Variants in PPFIA1 observed in about 807,000 individuals in gnomAD.
PPFIA1 encodes the protein liprin-alpha-1.
Under a neutral mutation model 149.9 loss-of-function variants are expected in PPFIA1, and 25 were observed. That is an observed-to-expected ratio of 0.17 (90% CI 0.12 to 0.23). The LOEUF (loss-of-function observed/expected upper bound fraction) is 0.23, where lower values mean the gene tolerates loss of function less well. Ranked by LOEUF, PPFIA1 falls within the 10% of genes least tolerant of loss-of-function variation. PPFIA1 has a pLI of 1.00. For missense variants in PPFIA1, 1,362 were observed against 1,506.5 expected (o/e 0.90, Z 1.59); for synonymous variants, 549 against 552.8 (o/e 0.99, Z 0.10).
chr11:70,379,018 G>A lies in PPFIA1; in HGVS notation c.3550+823G>A, dbSNP rs117936824. Among the ~76,000 whole-genome samples the A allele has an allele frequency of 3.4e-4, 51 of 152,226 alleles. No individual in the cohort carries two copies. In the East Asian group the frequency reaches 9.4e-3, roughly 28 times the overall value. On this transcript the variant is annotated intron_variant, in intron 26 of 27. Coordinates refer to ENST00000253925, the MANE Select transcript of PPFIA1 (RefSeq NM_003626.5). ...CAAGTCATTTAACTACCCTGGCCTC[G>A]GTCTCCCCATCTGTAAAATGGTCGT... is the stretch of plus-strand genomic sequence containing the variant.
intron 2 of PPFIA1, among the ~76,000 whole-genome samples, chr11:70,280,259 T>C (rs1034563623): frequency 1.3e-5 from 2 of 150,104 alleles, no homozygotes; most frequent in Admixed American, 1.3e-4. Flanking sequence ...TAAATATATA[T>C]GTATATAAAA....
intron 4 of PPFIA1, 63 bp from the exon 5 acceptor site, chr11:70,325,437 A>G (rs2054205617): frequency 1.9e-6 from 2 of 1,068,382 alleles, no homozygotes; most frequent in African/African-American, 1.7e-5. Context: ...ACTTAACTAT[A>G]TATTAAGAAT....
chr11:70,323,805 G>T (rs1481679289), intron 2 of PPFIA1, among the ~76,000 whole-genome samples: 1 of 152,178 alleles, frequency 6.6e-6, no homozygotes, highest in African/African-American at 2.4e-5. Flanking sequence ...GATTCTTGCA[G>T]AAGAAATATT....
At chr11:70,271,542 T>TA (rs2050092681) in intron 1 of PPFIA1, among the ~76,000 whole-genome samples, 1 of 152,148 alleles carries the variant, frequency 6.6e-6, no homozygotes, top group Non-Finnish European at 1.5e-5. Context: ...GTTGTAAACT[T>TA]ACGTAAGTTA....
At chr11:70,339,689 T>C (rs1043702050) in intron 14 of PPFIA1, among the ~76,000 whole-genome samples, 1 of 151,208 alleles carries the variant, frequency 6.6e-6, no homozygotes, top group African/African-American at 2.4e-5. Flanking sequence ...TTAAATACAA[T>C]GATAATCATG....
intron 2 of PPFIA1, among the ~76,000 whole-genome samples, chr11:70,312,654 A>T (rs1207488602): frequency 1.3e-5 from 2 of 152,112 alleles, no homozygotes; most frequent in Non-Finnish European, 2.9e-5. Flanking sequence ...AACATCGTGG[A>T]GCCTGCGTGT....
At position 70,343,786 on chromosome 11, in the gene PPFIA1, A is replaced by C. The variant is rs146858711; in HGVS notation, c.1825A>C (p.Thr609Pro). ...DVSDGEDDRD[T>P]LLSSVDLLSP... Reference sequence around the variant, plus strand: ...GTCTGATGGTGAAGATGACAGGGACACTCTCCTCAGCTCAGTTGACCTGCT... The same window carrying C: ...GTCTGATGGTGAAGATGACAGGGACCCTCTCCTCAGCTCAGTTGACCTGCT... Residue 609 changes from threonine to proline, a missense_variant, in exon 15 of 28, where the codon ACT becomes CCT. Thr to Pro is a conservative substitution (Grantham distance 38, BLOSUM62 -1). Around this residue, in one of 7 missense-constraint regions of PPFIA1, gnomAD observed 733 missense variants for 744.1 expected, o/e 0.99. Coordinates refer to ENST00000253925, the MANE Select transcript of PPFIA1 (RefSeq NM_003626.5). 1 of 1,614,002 alleles carries C rather than the reference A, an allele frequency of 6.2e-7. No homozygotes were observed. Among genetic ancestry groups the C allele is most frequent in the East Asian group, 2.2e-5 (1 of 44,870 alleles).
At chr11:70,366,140 G>T (rs895055423) in intron 21 of PPFIA1, among the ~76,000 whole-genome samples, 12 of 152,200 alleles carry the variant, frequency 7.9e-5, no homozygotes, top group African/African-American at 2.9e-4. Flanking sequence ...TAGCATCAAA[G>T]AGTACGTCTC....
intron 10 of PPFIA1, 23 bp downstream of exon 10, chr11:70,333,576 G>A (rs771522219): frequency 1.3e-6 from 2 of 1,591,494 alleles, no homozygotes; most frequent in Non-Finnish European, 1.7e-6. Flanking sequence ...CCCTGAGGGT[G>A]GGGGCGCTGA....
At chr11:70,377,794 T>A (rs1386272213) in intron 25 of PPFIA1, among the ~76,000 whole-genome samples, 1 of 152,220 alleles carries the variant, frequency 6.6e-6, no homozygotes, top group Non-Finnish European at 1.5e-5. Context: ...CACATCCTCA[T>A]GGCCCAGCAC....
At chr11:70,326,104 T>A (rs185978658) in intron 5 of PPFIA1, among the ~76,000 whole-genome samples, 158 bp from the exon 6 acceptor site, 4 of 152,288 alleles carry the variant, frequency 2.6e-5, no homozygotes, top group Admixed American at 2.6e-4. Context: ...TCTTCAATGA[T>A]CTGGTTATTT....
chr11:70,332,053 G>A lies in PPFIA1; in HGVS notation c.1171G>A (p.Val391Met). ...GAGGAAGGCAGAGACGCTCCCGGAG[G>A]TGGAGGCGGAGCTGGCCCAGAGGGT... ...TLRKAETLPEVEAELAQRVAA... is the reference protein window; with the variant it reads ...TLRKAETLPEMEAELAQRVAA... The change falls in exon 9 of 28, where the codon GTG becomes ATG. Residue 391 changes from valine (V) to methionine (M), a missense_variant. Coordinates refer to ENST00000253925, the MANE Select transcript of PPFIA1 (RefSeq NM_003626.5). 1.2e-6 allele frequency: 2 copies of A among 1,612,538 alleles called. No homozygotes were observed. Among genetic ancestry groups the A allele is most frequent in the Non-Finnish European group, 8.5e-7 (1 of 1,179,314 alleles).
intron 7 of PPFIA1, 118 bp downstream of exon 7, chr11:70,326,936 T>C: frequency 1.2e-6 from 1 of 834,546 alleles, no homozygotes; most frequent in Non-Finnish European, 1.9e-6. Flanking sequence ...AACCTTTGGA[T>C]TATTGTATAA....
chr11:70,381,228 A>G (rs1385644555), intron 26 of PPFIA1: 2 of 152,134 alleles, frequency 1.3e-5, no homozygotes. Flanking sequence ...AACTGTCTTA[A>G]TGTCTTTGCT....
At chr11:70,310,617 C>T (rs752821344) in intron 2 of PPFIA1, among the ~76,000 whole-genome samples, 5 of 152,052 alleles carry the variant, frequency 3.3e-5, no homozygotes, top group Non-Finnish European at 7.4e-5. Context: ...ATCTCTTGAC[C>T]CCGTGATCCG....
At chr11:70,298,821 A>G (rs942992367) in intron 2 of PPFIA1, among the ~76,000 whole-genome samples, 1 of 152,234 alleles carries the variant, frequency 6.6e-6, no homozygotes, top group African/African-American at 2.4e-5. Flanking sequence ...GCATAAAGAG[A>G]TACGGACACT....
chr11:70,306,255 C>T lies in PPFIA1; in HGVS notation c.265-18147C>T, dbSNP rs1299334076. Among the ~76,000 whole-genome samples the T allele has an allele frequency of 3.3e-5, 5 of 151,680 alleles. No individual in the cohort carries two copies. In the South Asian group the frequency reaches 6.2e-4, roughly 19 times the overall value. On this transcript the variant is annotated intron_variant, in intron 2 of 27. Coordinates refer to ENST00000253925, the MANE Select transcript of PPFIA1 (RefSeq NM_003626.5). ...TTTGTTAAGGCACAAAAATCTCTTACTGTAAATTGTAAACGTATAGGGGAG... is the reference window on the plus strand; with the variant it reads ...TTTGTTAAGGCACAAAAATCTCTTATTGTAAATTGTAAACGTATAGGGGAG...
chr11:70,340,116 A>C (rs996119273), intron 14 of PPFIA1, among the ~76,000 whole-genome samples: 1 of 151,522 alleles, frequency 6.6e-6, no homozygotes, highest in African/African-American at 2.4e-5. Flanking sequence ...TTGGCAACAC[A>C]GGGAGACCCC....
chr11:70,312,889 C>T (rs575785859), intron 2 of PPFIA1, among the ~76,000 whole-genome samples: 60 of 152,194 alleles, frequency 3.9e-4, no homozygotes, highest in African/African-American at 1.3e-3. Context: ...TGAGGAATGC[C>T]GGGGCTGGGG....
Sources: allele counts gnomAD v4.1 joint callset (sites outside exome capture counted in the v4.1 genomes callset), GRCh38; gene constraint gnomAD v4.1.1; regional missense constraint gnomAD v4.1.1; transcripts MANE v1.5; gene names NCBI Gene and HGNC (gene_info 2026-07-23, HGNC 2026-07-21).